Variants in LIPC observed in about 807,000 individuals in gnomAD.
The protein encoded by LIPC is lipase C, hepatic type, also known as hepatic triacylglycerol lipase.
LIPC carries 44 observed loss-of-function variants against 50.7 expected under a neutral mutation model. That is an observed-to-expected ratio of 0.87 (90% CI 0.68 to 1.11). The LOEUF is 1.11. Ranked by LOEUF, LIPC falls within the 50% of genes most tolerant of loss-of-function variation. The pLI is 0.00. For synonymous variants in LIPC, 271 were observed against 256.4 expected (o/e 1.06, Z -0.54); for missense variants, 697 against 648.2 (o/e 1.08, Z -0.82).
intron 1 of LIPC, among the ~76,000 whole-genome samples, chr15:58,486,563 G>C (rs1401106791): frequency 6.6e-6 from 1 of 152,212 alleles, no homozygotes; most frequent in East Asian, 1.9e-4. Context: ...GTACAGACCA[G>C]GTTGTGTGGT....
In LIPC at chr15:58,569,070, T is replaced by G. The variant is rs530133811; in HGVS notation, c.*243T>G. 2.2e-4 allele frequency: 76 copies of G among 346,966 alleles called. No individual in the cohort carries two copies. Among genetic ancestry groups the G allele is most frequent in the African/African-American group, 1.4e-3 (69 of 47,930 alleles). The allele number at this position is 346,966 out of a possible 1,614,324, so 21.5% of individuals were successfully genotyped here. A position where few individuals can be genotyped will look rare whatever the true frequency, so the allele number is the denominator to read the frequency against. On this transcript the variant is annotated 3_prime_UTR_variant, in exon 9 of 9. Coordinates refer to ENST00000299022, the MANE Select transcript of LIPC (RefSeq NM_000236.3). ...TTATCTCTGGTTAAATGTTAATATA[T>G]GCAAATAAGTACAAATGCAAGAGCC...
At chr15:58,482,441 G>C (rs1891218114) in intron 1 of LIPC, among the ~76,000 whole-genome samples, 1 of 152,094 alleles carries the variant, frequency 6.6e-6, no homozygotes, top group African/African-American at 2.4e-5. Context: ...TTGGGCTTTG[G>C]AGTCAGACAA....
Position 58,538,451 on chromosome 15 carries a change from G to A in LIPC, c.207G>A (p.Pro69=), listed in dbSNP as rs200127425. Residue 69 remains proline, a synonymous_variant, in exon 2 of 9, where the codon CCG becomes CCA. Coordinates refer to ENST00000299022, the MANE Select transcript of LIPC (RefSeq NM_000236.3). ...NQGCQIRINH[P]DTLQECGFNS... ...GCTGTCAGATTCGAATCAATCATCC[G>A]GACACGTTACAGGAGTGCGGCTTCA... is the stretch of plus-strand genomic sequence containing the variant. 5.5e-5 allele frequency: 88 copies of A among 1,614,048 alleles called. No individual in the cohort carries two copies. Among genetic ancestry groups the A allele is most frequent in the Admixed American group, 3.5e-4 (21 of 60,004 alleles).
chr15:58,518,525 T>A (rs1278891225), intron 1 of LIPC, among the ~76,000 whole-genome samples: 9 of 152,216 alleles, frequency 5.9e-5, no homozygotes, highest in African/African-American at 9.6e-5. Context: ...TTCTGTGTTC[T>A]CGCTCCACTC....
At chr15:58,562,575 C>G (rs1894201823) in intron 7 of LIPC, among the ~76,000 whole-genome samples, 2 of 152,154 alleles carry the variant, frequency 1.3e-5, no homozygotes, top group Non-Finnish European at 2.9e-5. Context: ...TAGCCCCTCA[C>G]CCACTCCAGA....
intron 1 of LIPC, among the ~76,000 whole-genome samples, chr15:58,433,112 ACT>A (rs1400083086): frequency 3.3e-5 from 5 of 152,186 alleles, no homozygotes; most frequent in African/African-American, 1.2e-4. Context: ...CAAGCACTAT[ACT>A]AATTATTTTT....
chr15:58,496,743 C>CAAAAAAAAAAAGAAAAAAAA (rs1891778793), intron 1 of LIPC, among the ~76,000 whole-genome samples: 1 of 114,180 alleles, frequency 8.8e-6, no homozygotes, highest in Non-Finnish European at 1.8e-5. Context: ...TCTTCCCCCT[C>CAAAAAAAAAAAGAAAAAAAA]AAAAAAAAAA....
In LIPC at chr15:58,568,892, AT is replaced by A; in HGVS notation, c.*68del. On this transcript the variant is annotated 3_prime_UTR_variant, in exon 9 of 9. Transcript: ENST00000299022. ...ACTCCTTATCTGGAATGGCTGCCTT[AT>A]TTAGAAGCCAAAATTACATAAAGAA... is the stretch of plus-strand genomic sequence containing the variant. The A allele has an allele frequency of 2.3e-6, 2 of 886,754 alleles. No homozygotes were observed. The highest frequency in any genetic ancestry group is 3.5e-6 in the Non-Finnish European group (2 of 571,748). The allele number at this position is 886,754 out of a possible 1,614,324, so 54.9% of individuals were successfully genotyped here.
intron 1 of LIPC, among the ~76,000 whole-genome samples, chr15:58,438,058 G>A (rs1381263556): frequency 6.6e-6 from 1 of 152,152 alleles, no homozygotes; most frequent in Non-Finnish European, 1.5e-5. Flanking sequence ...ACGGTTGAAG[G>A]CATGGGGTCT....
At chr15:58,468,978 G>A (rs1894677938) in intron 1 of LIPC, among the ~76,000 whole-genome samples, 2 of 152,130 alleles carry the variant, frequency 1.3e-5, no homozygotes, top group South Asian at 4.1e-4. Flanking sequence ...ATGTACCTAA[G>A]CTCCACTGCC....
chr15:58,458,107 A>G (rs757456154), intron 1 of LIPC, among the ~76,000 whole-genome samples: 1 of 152,228 alleles, frequency 6.6e-6, no homozygotes, highest in Non-Finnish European at 1.5e-5. Context: ...AGGGAGCTTT[A>G]AAAATAAATA....
intron 6 of LIPC, among the ~76,000 whole-genome samples, chr15:58,555,820 G>A (rs1341648702): frequency 2.0e-5 from 3 of 152,210 alleles, no homozygotes; most frequent in African/African-American, 4.8e-5. Flanking sequence ...GCTGATAATC[G>A]TGGGAGGGCA....
intron 1 of LIPC, among the ~76,000 whole-genome samples, chr15:58,496,833 C>T (rs946006342): frequency 6.6e-5 from 10 of 151,290 alleles, no homozygotes; most frequent in African/African-American, 4.9e-5. Flanking sequence ...TACAGGTCTG[C>T]GCCACTGCAC....
intron 1 of LIPC, among the ~76,000 whole-genome samples, chr15:58,507,506 T>C (rs558678204): frequency 6.6e-5 from 10 of 152,348 alleles, no homozygotes; most frequent in Middle Eastern, 3.4e-3. Flanking sequence ...GAATCAAGGA[T>C]TCCCCCGGCC....
intron 1 of LIPC, among the ~76,000 whole-genome samples, chr15:58,497,394 G>GGGGTC (rs1340739799): frequency 6.6e-6 from 1 of 152,178 alleles, no homozygotes; most frequent in Non-Finnish European, 1.5e-5. Context: ...GCAAGGAGAA[G>GGGGTC]GGGTCTCTGA....
At position 58,444,412 on chromosome 15, in the gene LIPC, A is replaced by G. The variant is rs75429347; in HGVS notation, c.88+12292A>G. Among the ~76,000 whole-genome samples, 69 of 152,290 alleles carry G rather than the reference A, an allele frequency of 4.5e-4. 4 individuals carry two copies. The East Asian group carries it at 0.013, about 29-fold the overall frequency. On this transcript the variant is annotated intron_variant, in intron 1 of 8. Coordinates refer to ENST00000299022, the MANE Select transcript of LIPC (RefSeq NM_000236.3). The stretch of plus-strand genomic sequence containing the variant: ...TGCCAGGCCTTGTGCTAGGACCCCA[A>G]CATGGTCACTCGATATTCACACAGT...
intron 1 of LIPC, among the ~76,000 whole-genome samples, chr15:58,508,477 C>A (rs563346180): frequency 3.9e-5 from 6 of 152,190 alleles, no homozygotes; most frequent in Non-Finnish European, 8.8e-5. Context: ...GTAGGGAGAT[C>A]ATTAACCCAC....
At chr15:58,466,269 C>T (rs1049409395) in intron 1 of LIPC, among the ~76,000 whole-genome samples, 1 of 152,206 alleles carries the variant, frequency 6.6e-6, no homozygotes, top group Non-Finnish European at 1.5e-5. Flanking sequence ...GAACTCCTAG[C>T]GGGTGACTCA....
intron 1 of LIPC, among the ~76,000 whole-genome samples, chr15:58,485,468 C>G (rs1305869910): frequency 1.3e-5 from 2 of 152,168 alleles, no homozygotes; most frequent in East Asian, 3.8e-4. Context: ...CAATGTTCAT[C>G]ACTCCCCTGG....
Sources: gnomAD v4.1 joint callset for allele counts (sites outside exome capture counted in the v4.1 genomes callset) on GRCh38, gnomAD v4.1.1 for gene constraint, MANE v1.5 for transcripts, NCBI Gene and HGNC (gene_info 2026-07-23, HGNC 2026-07-21) for gene names.